The following SNAP91 variants were observed in gnomAD, a reference collection of about 807,000 sequenced individuals.
SNAP91 encodes the protein clathrin coat assembly protein AP180.
SNAP91 carries 27 observed loss-of-function variants against 100.3 expected under a neutral mutation model. The observed-to-expected ratio is 0.27, with a 90% CI of 0.20 to 0.37. The LOEUF (loss-of-function observed/expected upper bound fraction) is 0.37, where lower values mean the gene tolerates loss of function less well. SNAP91 is among the 10% of genes least tolerant of loss of function. The probability of loss-of-function intolerance (pLI) is 1.00; values close to 1 mark genes in which losing one functional copy is unlikely to be tolerated. For missense variants in SNAP91, 986 were observed against 1,123.7 expected, an observed-to-expected ratio of 0.88 and a Z score of 1.75; for synonymous variants, 404 against 398.6, an observed-to-expected ratio of 1.01 and a Z score of -0.16.
chr6:83,613,744 G>C (rs1310901240), intron 11 of SNAP91, among the ~76,000 whole-genome samples: 1 of 152,082 alleles, frequency 6.6e-6, no homozygotes, highest in Non-Finnish European at 1.5e-5. Flanking sequence ...CATATAAATT[G>C]CTCTTCTTAT....
At chr6:83,672,063 T>A (rs1410603712) in intron 2 of SNAP91, among the ~76,000 whole-genome samples, 2 of 152,156 alleles carry the variant, frequency 1.3e-5, no homozygotes, top group African/African-American at 4.8e-5. Context: ...ACTTTATACC[T>A]TATATTTTGA....
intron 7 of SNAP91, among the ~76,000 whole-genome samples, chr6:83,648,833 G>C (rs1218739202): frequency 6.6e-6 from 1 of 151,944 alleles, no homozygotes; most frequent in Non-Finnish European, 1.5e-5. Context: ...TCTTTTATTT[G>C]TTCTTGATAG....
intron 8 of SNAP91, among the ~76,000 whole-genome samples, chr6:83,628,039 A>G (rs2097028051): frequency 1.3e-5 from 2 of 151,400 alleles, no homozygotes; most frequent in Admixed American, 6.6e-5. Context: ...CTCAAAGCCC[A>G]TTGTGTCATT....
At chr6:83,646,904 T>C (rs1016243945) in intron 7 of SNAP91, among the ~76,000 whole-genome samples, 2 of 152,170 alleles carry the variant, frequency 1.3e-5, no homozygotes, top group Non-Finnish European at 2.9e-5. Flanking sequence ...CTTAGAGACA[T>C]TTTGTTAAGT....
intron 2 of SNAP91, among the ~76,000 whole-genome samples, chr6:83,693,780 C>T (rs889927315): frequency 5.9e-5 from 9 of 152,172 alleles, no homozygotes; most frequent in Non-Finnish European, 1.0e-4. Context: ...AAAGATAAGG[C>T]CACTGGCAGA....
At chr6:83,701,239 A>G (rs1001151973) in intron 2 of SNAP91, among the ~76,000 whole-genome samples, 2 of 152,158 alleles carry the variant, frequency 1.3e-5, no homozygotes, top group Admixed American at 6.6e-5. Context: ...GAGATACTTG[A>G]AAATACTTAT....
chr6:83,605,953 T>C (rs1167582128), intron 13 of SNAP91, 150 bp from the exon 14 acceptor site: 3 of 708,074 alleles, frequency 4.2e-6, no homozygotes, highest in Admixed American at 3.5e-5. Context: ...AGCTATAGCA[T>C]ATACCAAGAG....
At chr6:83,626,240 C>T (rs142161500) in intron 8 of SNAP91, among the ~76,000 whole-genome samples, 15 of 152,176 alleles carry the variant, frequency 9.9e-5, no homozygotes, top group African/African-American at 3.6e-4. Flanking sequence ...GTAACAGTAT[C>T]ATGCTGTTTT....
intron 11 of SNAP91, among the ~76,000 whole-genome samples, chr6:83,612,363 C>T (rs909428701): frequency 2.6e-5 from 4 of 152,218 alleles, no homozygotes; most frequent in Middle Eastern, 3.4e-3. Flanking sequence ...AATTTCTCCA[C>T]TTCCACTATT....
rs7771416 is a variant in SNAP91, at chr6:83,643,046, T to A, written c.659-1844A>T. 3.1e-3 allele frequency among the ~76,000 whole-genome samples: 472 copies of A among 152,366 alleles called. 3 individuals carry two copies. The highest frequency in any genetic ancestry group is 0.011 in the African/African-American group (438 of 41,588). ...ACTTTTTGATGGTGTTTTTGTTTTT[T>A]TCTTGTAAATTTGTTTGAGTTCTTT... On this transcript the variant is annotated intron_variant, in intron 7 of 29. Coordinates refer to ENST00000369694, the MANE Select transcript of SNAP91 (RefSeq NM_001242792.2).
chr6:83,620,143 G>T (rs964410294), intron 9 of SNAP91, among the ~76,000 whole-genome samples: 2 of 152,178 alleles, frequency 1.3e-5, no homozygotes, highest in African/African-American at 4.8e-5. Context: ...TAACCTAAAA[G>T]ATATCCATTA....
intron 11 of SNAP91, among the ~76,000 whole-genome samples, chr6:83,613,156 C>T (rs2096262034): frequency 6.6e-6 from 1 of 152,052 alleles, no homozygotes; most frequent in African/African-American, 2.4e-5. Context: ...ATGAATTATG[C>T]AAACAAACAA....
At chr6:83,690,471 A>T in intron 2 of SNAP91, 1 of 1,176,892 alleles carries the variant, frequency 8.5e-7, no homozygotes, top group South Asian at 1.3e-5. Context: ...ACACATTAAT[A>T]AGAAAATACT....
chr6:83,614,357 C>A (rs2096344621), intron 11 of SNAP91, among the ~76,000 whole-genome samples: 1 of 151,038 alleles, frequency 6.6e-6, no homozygotes, highest in Admixed American at 6.6e-5. Flanking sequence ...CAGCAGTGGA[C>A]ACAAGGTACT....
At chr6:83,619,926 T>A (rs570527871) in intron 9 of SNAP91, among the ~76,000 whole-genome samples, 1 of 152,318 alleles carries the variant, frequency 6.6e-6, no homozygotes, top group African/African-American at 2.4e-5. Context: ...CAAATTCTTA[T>A]CATTAGATCT....
At chr6:83,575,254 C>A in intron 25 of SNAP91, 133 bp from the exon 26 acceptor site, 1 of 659,294 alleles carries the variant, frequency 1.5e-6, no homozygotes. Flanking sequence ...GTAATAAGAA[C>A]AGCAGTTAAA....
chr6:83,686,506 A>G (rs1275808845), intron 2 of SNAP91, among the ~76,000 whole-genome samples: 1 of 152,190 alleles, frequency 6.6e-6, no homozygotes, highest in African/African-American at 2.4e-5. Context: ...TGTGGCTAGT[A>G]GGTCTTTGGT....
chr6:83,606,190 C>A (rs1408251470), intron 13 of SNAP91, among the ~76,000 whole-genome samples: 1 of 152,066 alleles, frequency 6.6e-6, no homozygotes. Flanking sequence ...AAAATCATAA[C>A]CTTGAGGTTA....
intron 16 of SNAP91, among the ~76,000 whole-genome samples, chr6:83,599,471 T>C (rs1049937408): frequency 2.6e-5 from 4 of 152,168 alleles, no homozygotes; most frequent in Non-Finnish European, 5.9e-5. Context: ...GGGGGAAGGA[T>C]AGATTTTAAA....
Sources: allele counts gnomAD v4.1 joint callset (sites outside exome capture counted in the v4.1 genomes callset), GRCh38; gene constraint gnomAD v4.1.1; transcripts MANE v1.5; gene names NCBI Gene and HGNC (gene_info 2026-07-23, HGNC 2026-07-21).